Variants in RNF111 observed in about 807,000 individuals in gnomAD.
The protein encoded by RNF111 is ring finger protein 111, also known as E3 ubiquitin-protein ligase Arkadia.
RNF111 carries 17 observed loss-of-function variants against 95.1 expected under a neutral mutation model. That is an observed-to-expected ratio of 0.18 (90% confidence interval 0.12 to 0.27). The LOEUF (loss-of-function observed/expected upper bound fraction) is 0.27. Ranked by LOEUF, RNF111 falls within the 10% of genes least tolerant of loss-of-function variation. The pLI, the probability that RNF111 is intolerant of heterozygous loss-of-function variation, is 1.00. For missense variants in RNF111, 1,189 were observed against 1,210.4 expected, an observed-to-expected ratio of 0.98 and a Z score of 0.26; for synonymous variants, 440 against 414.8, an observed-to-expected ratio of 1.06 and a Z score of -0.74.
intron 1 of RNF111, among the ~76,000 whole-genome samples, chr15:58,989,010 T>C (rs960619163): frequency 2.0e-5 from 3 of 152,346 alleles, no homozygotes; most frequent in East Asian, 1.9e-4. Flanking sequence ...AAGAACAAAC[T>C]GGGAAAAACA....
chr15:58,996,220 A>T (rs12910349), intron 1 of RNF111, among the ~76,000 whole-genome samples: 7,958 of 152,234 alleles, frequency 0.052, 349 homozygotes, highest in East Asian at 0.24. Flanking sequence ...TTTTTAACTA[A>T]GTCATCAAAC....
intron 1 of RNF111, among the ~76,000 whole-genome samples, chr15:59,025,544 A>G (rs1441815012): frequency 1.3e-5 from 2 of 152,230 alleles, no homozygotes; most frequent in East Asian, 3.8e-4. Flanking sequence ...AAGCTGGCAC[A>G]TAGTAAAATA....
intron 2 of RNF111, among the ~76,000 whole-genome samples, chr15:59,038,108 T>C (rs1331676617): frequency 1.3e-5 from 2 of 152,202 alleles, no homozygotes; most frequent in Non-Finnish European, 2.9e-5. Context: ...AATAATTTTA[T>C]TCACACAACC....
chr15:59,083,535 CAAA>C (rs760110284), intron 8 of RNF111, among the ~76,000 whole-genome samples: 1 of 125,492 alleles, frequency 8.0e-6, no homozygotes, highest in Non-Finnish European at 1.7e-5. Flanking sequence ...ACTTCCTCTC[CAAA>C]AAAAAAAAAA....
At chr15:59,064,216 T>C (rs987310406) in intron 5 of RNF111, among the ~76,000 whole-genome samples, 22 of 152,156 alleles carry the variant, frequency 1.4e-4, no homozygotes, top group African/African-American at 5.1e-4. Flanking sequence ...GAACTGACTT[T>C]GGAACTGCTA....
chr15:58,998,040 G>T (rs1305242617), intron 1 of RNF111, among the ~76,000 whole-genome samples: 1 of 151,530 alleles, frequency 6.6e-6, no homozygotes, highest in Admixed American at 6.6e-5. Flanking sequence ...TAGTAGCTGG[G>T]ATTACAGGCC....
intron 1 of RNF111, among the ~76,000 whole-genome samples, chr15:59,024,474 TAAGA>T (rs2040503101): frequency 7.8e-6 from 1 of 128,588 alleles, no homozygotes; most frequent in South Asian, 2.4e-4. Flanking sequence ...GCAAGTACTT[TAAGA>T]AAGACAGAAT....
intron 12 of RNF111, 23 bp from the exon 13 acceptor site, chr15:59,092,514 T>C (rs1443541001): frequency 6.2e-7 from 1 of 1,605,686 alleles, no homozygotes; most frequent in Admixed American, 1.7e-5. Context: ...ACTAATAAGG[T>C]AACAACTGAT....
chr15:59,041,708 T>C (rs1420818576), intron 2 of RNF111, among the ~76,000 whole-genome samples: 2 of 152,220 alleles, frequency 1.3e-5, no homozygotes, highest in Non-Finnish European at 1.5e-5. Flanking sequence ...TATGGCCACA[T>C]TTTTCTCCAT....
In RNF111 at chr15:59,055,711, C is replaced by G. The variant is rs1339419978; in HGVS notation, c.1037C>G (p.Ser346Cys). 1.9e-6 allele frequency: 3 copies of G among 1,613,846 alleles called. No individual in the cohort carries two copies. Among genetic ancestry groups the G allele is most frequent in the Middle Eastern group, 1.7e-4 (1 of 6,048 alleles). ...RSRSTLGHSR[S>C]HWSQGSSSHA... ...CGTTCAACCCTTGGACACTCCAGATCTCATTGGAGCCAGGGTTCCAGTTCT... is the reference window on the plus strand; with the variant it reads ...CGTTCAACCCTTGGACACTCCAGATGTCATTGGAGCCAGGGTTCCAGTTCT... The change falls in exon 4 of 14, where the codon TCT becomes TGT. Residue 346 changes from serine (S) to cysteine (C), a missense_variant. Ser to Cys is a moderately radical substitution (Grantham distance 112, BLOSUM62 -1). Coordinates refer to ENST00000348370, the MANE Select transcript of RNF111 (RefSeq NM_017610.8).
intron 13 of RNF111, among the ~76,000 whole-genome samples, chr15:59,093,719 A>T (rs919212643): frequency 6.6e-6 from 1 of 152,096 alleles, no homozygotes; most frequent in Admixed American, 6.5e-5. Flanking sequence ...CAGGTTCTAT[A>T]TCATATATAA....
chr15:59,043,157 A>ATT (rs201949013), intron 2 of RNF111, among the ~76,000 whole-genome samples: 3 of 145,174 alleles, frequency 2.1e-5, no homozygotes, highest in African/African-American at 7.6e-5. Context: ...CAATTTAGTA[A>ATT]TTTTTTTTTT....
chr15:59,011,497 G>A (rs1182695223), intron 1 of RNF111, among the ~76,000 whole-genome samples: 1 of 152,160 alleles, frequency 6.6e-6, no homozygotes, highest in African/African-American at 2.4e-5. Flanking sequence ...CAGATGGAGT[G>A]GCTTAAACCA....
rs774483693 is a variant in RNF111 at position 59,031,030 on chromosome 15, G to A, written c.208G>A (p.Asp70Asn). 1 of 1,614,182 alleles carries A rather than the reference G, an allele frequency of 6.2e-7. No homozygotes were observed. The highest frequency in any genetic ancestry group is 8.5e-7 in the Non-Finnish European group (1 of 1,180,032). Reference protein sequence around the residue: ...VGNEFSHLCDDSQKQEKEMNG... With the variant: ...VGNEFSHLCDNSQKQEKEMNG... ...GAATGAATTCTCTCACCTGTGTGAT[G>A]ATTCTCAAAAGCAAGAGAAGGAAAT... is the stretch of plus-strand genomic sequence containing the variant. The change falls in exon 2 of 14, where the codon GAT becomes AAT. Residue 70 changes from aspartate (D) to asparagine (N), a missense_variant. Physicochemically the swap from Asp to Asn is conservative, Grantham distance 23. This residue lies in a region of RNF111 where 1,024 missense variants were observed against 925.9 expected (regional missense o/e 1.11). Transcript: ENST00000348370.
chr15:59,039,653 A>G (rs917979862), intron 2 of RNF111, among the ~76,000 whole-genome samples: 4 of 152,076 alleles, frequency 2.6e-5, no homozygotes, highest in African/African-American at 9.7e-5. Context: ...TGGTATATCA[A>G]GTTGGTGCAG....
intron 1 of RNF111, among the ~76,000 whole-genome samples, chr15:59,028,111 C>T (rs1371089340): frequency 6.6e-6 from 1 of 152,310 alleles, no homozygotes; most frequent in East Asian, 1.9e-4. Flanking sequence ...GGCCACCGCG[C>T]CTGGCCAGAA....
chr15:59,059,338 C>G (rs2042336032), intron 5 of RNF111, among the ~76,000 whole-genome samples: 1 of 152,090 alleles, frequency 6.6e-6, no homozygotes. Context: ...GTCTATAACA[C>G]AAACAAAAAT....
chr15:58,990,869 A>G lies in RNF111; in HGVS notation c.-20+2801A>G, dbSNP rs149299252. On this transcript the variant is annotated intron_variant, in intron 1 of 13. Transcript: ENST00000348370. ...TTGTTCAGTAAAAGTCCACAATTAC[A>G]TTTGAATGTCTTATACCTCTGTTTG... Among the ~76,000 whole-genome samples the G allele has an allele frequency of 1.9e-3, 285 of 152,214 alleles. 2 individuals carry two copies. Among genetic ancestry groups the G allele is most frequent in the East Asian group, 0.013 (68 of 5,164 alleles).
Position 59,080,993 on chromosome 15 carries a change from G to T in RNF111, c.2006G>T (p.Gly669Val), listed in dbSNP as rs548893372. 1.2e-6 allele frequency: 2 copies of T among 1,613,906 alleles called. No individual in the cohort carries two copies. The highest frequency in any genetic ancestry group is 2.2e-5 in the East Asian group (1 of 44,876). ...HQASACPHSH[G>V]NPPPQTQPPP... The stretch of plus-strand genomic sequence containing the variant: ...GCTTCTGCCTGCCCGCATTCTCATG[G>T]AAACCCCCCTCCTCAGACTCAGCCT... The change falls in exon 8 of 14, where the codon GGA (glycine) becomes GTA (valine). Residue 669 changes from glycine (G) to valine (V), a missense_variant. Physicochemically the swap from Gly to Val is moderately radical, Grantham distance 109. Coordinates refer to ENST00000348370, the MANE Select transcript of RNF111 (RefSeq NM_017610.8).
Sources: gnomAD v4.1 joint callset for allele counts (sites outside exome capture counted in the v4.1 genomes callset) on GRCh38, gnomAD v4.1.1 for gene constraint, gnomAD v4.1.1 regional missense constraint, MANE v1.5 for transcripts, NCBI Gene and HGNC (gene_info 2026-07-23, HGNC 2026-07-21) for gene names.